The following PLCL2 variants were observed in gnomAD, a reference collection of about 807,000 sequenced individuals.
PLCL2 encodes the protein inactive phospholipase C-like protein 2.
In PLCL2, 4 loss-of-function variants were observed where a neutral mutation model predicts 79.6. That is an observed-to-expected ratio of 0.05 (90% confidence interval 0.02 to 0.11). PLCL2 has a LOEUF of 0.11. Among genes scored for constraint, PLCL2 ranks in the 10% least tolerant of loss-of-function variants. The pLI is 1.00. For missense variants in PLCL2, 895 were observed against 1,291.0 expected (o/e 0.69, Z 4.70); for synonymous variants, 484 against 457.7 (o/e 1.06, Z -0.73).
At chr3:16,922,611 G>A (rs557589159) in intron 1 of PLCL2, among the ~76,000 whole-genome samples, 1 of 152,110 alleles carries the variant, frequency 6.6e-6, no homozygotes, top group Non-Finnish European at 1.5e-5. Context: ...AAGATATCCT[G>A]TATGGGATAT....
At chr3:16,970,329 G>C (rs956095871) in intron 1 of PLCL2, among the ~76,000 whole-genome samples, 3 of 150,490 alleles carry the variant, frequency 2.0e-5, no homozygotes, top group African/African-American at 7.3e-5. Flanking sequence ...TTTTGTTCTT[G>C]TAATAGTTTA....
chr3:16,943,590 G>A (rs2063574241), intron 1 of PLCL2, among the ~76,000 whole-genome samples: 1 of 152,082 alleles, frequency 6.6e-6, no homozygotes. Context: ...CTTTCTTATG[G>A]TCTGTCCTTT....
At chr3:16,980,823 C>T (rs2063985006) in intron 1 of PLCL2, among the ~76,000 whole-genome samples, 1 of 152,180 alleles carries the variant, frequency 6.6e-6, no homozygotes, top group Non-Finnish European at 1.5e-5. Context: ...AAGATCACGC[C>T]ACTGCACTCC....
intron 1 of PLCL2, among the ~76,000 whole-genome samples, chr3:16,970,977 A>G (rs1314165430): frequency 6.6e-6 from 1 of 151,758 alleles, no homozygotes; most frequent in Admixed American, 6.6e-5. Context: ...TTATCAGATA[A>G]GTAGGTTGCG....
In PLCL2 at chr3:17,009,692, A is replaced by G; in HGVS notation, c.346A>G (p.Arg116Gly). The G allele has an allele frequency of 6.3e-7, 1 of 1,598,394 alleles. No homozygotes were observed. Among genetic ancestry groups the G allele is most frequent in the Non-Finnish European group, 8.6e-7 (1 of 1,166,914 alleles). The change falls in exon 2 of 6, where the codon AGG becomes GGG. Residue 116 changes from arginine (R) to glycine (G), a missense_variant. Arg to Gly is a moderately radical substitution (Grantham distance 125). This residue lies in a region of PLCL2 where 129 missense variants were observed against 208.8 expected (regional missense o/e 0.62). Transcript: ENST00000615277. The surrounding 1 kb of genome is among the most constrained non-coding windows in gnomAD (Gnocchi z 4.0). ...SIIKDGTKQK[R>G]ERKKTVSFSS... The stretch of plus-strand genomic sequence containing the variant: ...CTCTCAGGATGGTACAAAACAGAAG[A>G]GGGAACGGAAAAAGACAGTCTCATT...
chr3:16,943,919 G>C (rs2124952927), intron 1 of PLCL2, among the ~76,000 whole-genome samples: 1 of 152,290 alleles, frequency 6.6e-6, no homozygotes, highest in South Asian at 2.1e-4. Context: ...GAAAGGTGGA[G>C]TTGAGCTTGA....
At position 17,048,303 on chromosome 3, in the gene PLCL2, G is replaced by T. The variant is rs142587017; in HGVS notation, c.3094+5354G>T. On this transcript the variant is annotated intron_variant, in intron 4 of 5. Coordinates refer to ENST00000615277, the MANE Select transcript of PLCL2 (RefSeq NM_001144382.2). Reference sequence around the variant, plus strand: ...GACAACACAAGTTTGAACAGCATGGGTCCACATATATGTGAGTTTTTTCAA... The same window carrying T: ...GACAACACAAGTTTGAACAGCATGGTTCCACATATATGTGAGTTTTTTCAA... 5.3e-5 allele frequency among the ~76,000 whole-genome samples: 8 copies of T among 152,150 alleles called. No individual in the cohort carries two copies. In the East Asian group the frequency reaches 1.5e-3, roughly 29 times the overall value.
At chr3:16,965,497 A>G (rs956226133) in intron 1 of PLCL2, among the ~76,000 whole-genome samples, 1 of 151,540 alleles carries the variant, frequency 6.6e-6, no homozygotes, top group Non-Finnish European at 1.5e-5. Flanking sequence ...TTCTCTTGGC[A>G]ATGCGGGCTC....
intron 5 of PLCL2, among the ~76,000 whole-genome samples, chr3:17,076,773 A>G (rs1242033617): frequency 6.6e-6 from 1 of 152,130 alleles, no homozygotes; most frequent in East Asian, 1.9e-4. Flanking sequence ...AAGGTGTAAG[A>G]ATTACCGCAC....
chr3:17,086,123 AG>A (rs1359577990), intron 5 of PLCL2, among the ~76,000 whole-genome samples: 1 of 152,264 alleles, frequency 6.6e-6, no homozygotes, highest in Non-Finnish European at 1.5e-5. Context: ...CAAAAGACCC[AG>A]AATAGCCAAC....
intron 3 of PLCL2, among the ~76,000 whole-genome samples, chr3:17,039,761 A>G (rs925257137): frequency 6.6e-6 from 1 of 152,148 alleles, no homozygotes; most frequent in African/African-American, 2.4e-5. Flanking sequence ...CCTGCTGTTT[A>G]CTTGCAAACC....
intron 4 of PLCL2, among the ~76,000 whole-genome samples, chr3:17,052,748 G>A (rs1267092346): frequency 6.6e-6 from 1 of 152,098 alleles, no homozygotes; most frequent in Non-Finnish European, 1.5e-5. Context: ...AGAAGATGAT[G>A]AGGATGAAGA....
intron 4 of PLCL2, among the ~76,000 whole-genome samples, chr3:17,049,777 A>G (rs927782080): frequency 1.3e-5 from 2 of 152,182 alleles, no homozygotes; most frequent in Non-Finnish European, 2.9e-5. Flanking sequence ...TACAGATTCA[A>G]TACAATCGCT....
chr3:16,965,867 A>AT (rs1360245864), intron 1 of PLCL2, among the ~76,000 whole-genome samples: 2 of 152,050 alleles, frequency 1.3e-5, no homozygotes, highest in South Asian at 4.2e-4. Flanking sequence ...TTGCACATTG[A>AT]TTTTGTATCC....
intron 1 of PLCL2, among the ~76,000 whole-genome samples, chr3:16,939,408 G>A (rs567080184): frequency 6.6e-6 from 1 of 152,310 alleles, no homozygotes; most frequent in South Asian, 2.1e-4. Flanking sequence ...CTAGCACTTA[G>A]CTTTGCCAGA....
At chr3:16,988,741 G>A (rs2064075279) in intron 1 of PLCL2, among the ~76,000 whole-genome samples, 1 of 152,094 alleles carries the variant, frequency 6.6e-6, no homozygotes, top group Non-Finnish European at 1.5e-5. Context: ...GTAGCTGAAA[G>A]TGAAATGTAA....
chr3:16,991,454 T>C (rs957917588), intron 1 of PLCL2, among the ~76,000 whole-genome samples: 60 of 152,228 alleles, frequency 3.9e-4, no homozygotes, highest in Admixed American at 1.1e-3. Flanking sequence ...ACTGTGGATT[T>C]TTCTGGATCA....
At chr3:16,993,792 C>T (rs761195315) in intron 1 of PLCL2, among the ~76,000 whole-genome samples, 8 of 152,134 alleles carry the variant, frequency 5.3e-5, no homozygotes, top group Admixed American at 6.5e-5. Context: ...AAGGCCCTTC[C>T]AGTTCCAACT....
chr3:17,086,014 T>C (rs2065216406), intron 5 of PLCL2, among the ~76,000 whole-genome samples: 1 of 152,130 alleles, frequency 6.6e-6, no homozygotes, highest in Admixed American at 6.5e-5. Flanking sequence ...TTCAACATAA[T>C]CTCAAACTTC....
Sources: allele counts gnomAD v4.1 joint callset (sites outside exome capture counted in the v4.1 genomes callset), GRCh38; gene constraint gnomAD v4.1.1; regional missense constraint gnomAD v4.1.1; non-coding constraint Gnocchi (gnomAD v3.1); transcripts MANE v1.5; gene names NCBI Gene and HGNC (gene_info 2026-07-23, HGNC 2026-07-21).